Variants in CCNI observed in about 807,000 individuals in gnomAD.
CCNI encodes cyclin-I.
Under a neutral mutation model 34.1 loss-of-function variants are expected in CCNI, and 14 were observed. The observed-to-expected ratio is 0.41, with a 90% CI of 0.27 to 0.64. The LOEUF is 0.64. CCNI is among the 30% of genes least tolerant of loss of function. CCNI has a pLI of 0.31. For synonymous variants in CCNI, 154 were observed against 158.4 expected (o/e 0.97, Z 0.21); for missense variants, 385 against 440.5 (o/e 0.87, Z 1.13).
chr4:77,055,804 A>G (rs1196096480), intron 5 of CCNI, among the ~76,000 whole-genome samples, 158 bp downstream of exon 5: 1 of 152,198 alleles, frequency 6.6e-6, no homozygotes, highest in African/African-American at 2.4e-5. Context: ...ATTAAGCTTC[A>G]GTGATATGAC....
chr4:77,066,974 C>T (rs1729076867), intron 1 of CCNI, among the ~76,000 whole-genome samples: 2 of 152,224 alleles, frequency 1.3e-5, no homozygotes, highest in South Asian at 4.1e-4. Context: ...TGGCTCACGC[C>T]TGTAATCCCA....
intron 6 of CCNI, among the ~76,000 whole-genome samples, chr4:77,054,374 C>T (rs1023908761): frequency 1.9e-4 from 29 of 152,122 alleles, no homozygotes; most frequent in Admixed American, 1.6e-3. Flanking sequence ...GAATAAATAG[C>T]CATATAAAGG....
intron 6 of CCNI, among the ~76,000 whole-genome samples, chr4:77,050,878 G>A (rs1727776529): frequency 6.6e-6 from 1 of 151,872 alleles, no homozygotes; most frequent in African/African-American, 2.4e-5. Context: ...GTAAAAAAGG[G>A]GCTATAGTGT....
At chr4:77,069,645 T>C (rs954027274) in intron 1 of CCNI, among the ~76,000 whole-genome samples, 4 of 127,090 alleles carry the variant, frequency 3.1e-5, no homozygotes, top group Non-Finnish European at 6.3e-5. Context: ...TGTGTCCAAG[T>C]GTCCTCATTT....
chr4:77,063,023 TCA>T (rs1384372794), intron 2 of CCNI, among the ~76,000 whole-genome samples: 7 of 152,138 alleles, frequency 4.6e-5, no homozygotes, highest in East Asian at 1.9e-4. Context: ...TCAGGGAAAC[TCA>T]CAGTCAAATC....
chr4:77,060,605 C>T (rs532216739), intron 2 of CCNI, among the ~76,000 whole-genome samples: 24 of 149,780 alleles, frequency 1.6e-4, no homozygotes, highest in Middle Eastern at 3.5e-3. Context: ...ACCAGAGGTA[C>T]GTGCCACCAG....
At chr4:77,054,499 C>CA (rs1331649882) in intron 6 of CCNI, among the ~76,000 whole-genome samples, 10 of 152,200 alleles carry the variant, frequency 6.6e-5, no homozygotes, top group Admixed American at 6.5e-4. Context: ...AGCCTTCTCT[C>CA]AAAGTAGTTG....
At chr4:77,053,324 A>G (rs926186066) in intron 6 of CCNI, among the ~76,000 whole-genome samples, 1 of 152,204 alleles carries the variant, frequency 6.6e-6, no homozygotes, top group African/African-American at 2.4e-5. Context: ...AAGTAGCTCT[A>G]CACGGCTCTA....
intron 1 of CCNI, among the ~76,000 whole-genome samples, chr4:77,072,445 T>C: frequency 8.7e-6 from 1 of 115,108 alleles, no homozygotes; most frequent in African/African-American, 3.7e-5. Context: ...GAGATCCCTG[T>C]CTCCACCAAA....
chr4:77,066,407 T>G lies in CCNI; in HGVS notation c.-43-2A>C. On this transcript the variant is annotated splice_acceptor_variant, in intron 1 of 6. Coordinates refer to ENST00000237654, the MANE Select transcript of CCNI (RefSeq NM_006835.3). LOFTEE classifies it low-confidence loss of function (5UTR_SPLICE). ...TGCTACCCAGCTTGCTGTAGCTACC[T>G]ACAGAATCAAGTAAGTTTTAAAATT... The G allele has an allele frequency of 6.2e-7, 1 of 1,607,326 alleles. No homozygotes were observed. The highest frequency in any genetic ancestry group is 2.2e-5 in the East Asian group (1 of 44,818).
intron 1 of CCNI, among the ~76,000 whole-genome samples, chr4:77,071,153 A>G (rs1729439311): frequency 6.6e-6 from 1 of 152,226 alleles, no homozygotes; most frequent in African/African-American, 2.4e-5. Flanking sequence ...TCATGTAAAA[A>G]GAAGTAAATC....
intron 3 of CCNI, chr4:77,056,579 G>T: frequency 6.1e-6 from 2 of 329,612 alleles, no homozygotes; most frequent in Non-Finnish European, 1.1e-5. Flanking sequence ...AGTGTGTCTA[G>T]AGCTAACTTT....
Position 77,072,656 on chromosome 4 carries a change from A to G in CCNI, c.-44+2816T>C, listed in dbSNP as rs552145577. Among the ~76,000 whole-genome samples the G allele has an allele frequency of 3.4e-3, 510 of 149,802 alleles. 8 individuals carry two copies. Among genetic ancestry groups the G allele is most frequent in the Admixed American group, 0.029 (438 of 14,930 alleles). On this transcript the variant is annotated intron_variant, in intron 1 of 6. Coordinates refer to ENST00000237654, the MANE Select transcript of CCNI (RefSeq NM_006835.3). ...AATCTCTTAAAAAAAAAAAAAAAAA[A>G]AAAAAGAAAAGAAACGAAACTGCAA...
chr4:77,051,961 T>TG (rs1036133740), intron 6 of CCNI, among the ~76,000 whole-genome samples: 1 of 151,330 alleles, frequency 6.6e-6, no homozygotes, highest in East Asian at 1.9e-4. Context: ...TTTGTTTTTT[T>TG]TTTTTTAAAT....
chr4:77,053,179 T>C (rs1397589610), intron 6 of CCNI, among the ~76,000 whole-genome samples: 3 of 152,190 alleles, frequency 2.0e-5, no homozygotes, highest in Non-Finnish European at 4.4e-5. Flanking sequence ...GGATTGTGTG[T>C]GTACAAGATT....
Position 77,058,460 on chromosome 4 carries a change from C to T in CCNI, c.243+47G>A, listed in dbSNP as rs764511621. ...CACTAATAGCCTCTAGTTTAGCATA[C>T]ATACACTCAAATGAGGTTATATGTA... On this transcript the variant is annotated intron_variant, in intron 3 of 6. Transcript: ENST00000237654. 3.0e-5 allele frequency: 45 copies of T among 1,500,408 alleles called. No homozygotes were observed. In the Admixed American group the frequency reaches 7.8e-4, roughly 26 times the overall value. The allele number at this position is 1,500,408 out of a possible 1,614,324, so 92.9% of individuals were successfully genotyped here.
At chr4:77,056,957 T>C (rs1728285351) in intron 3 of CCNI, among the ~76,000 whole-genome samples, 2 of 152,156 alleles carry the variant, frequency 1.3e-5, no homozygotes, top group Admixed American at 6.5e-5. Context: ...ATCAATTCCA[T>C]TGCTCAAAGT....
At chr4:77,065,838 G>A (rs184360074) in intron 2 of CCNI, among the ~76,000 whole-genome samples, 395 of 152,324 alleles carry the variant, frequency 2.6e-3, no homozygotes, top group Non-Finnish European at 4.3e-3. Context: ...GGTGGCTCAC[G>A]CCTATAATCC....
chr4:77,058,656 A>T, intron 2 of CCNI, 21 bp from the exon 3 acceptor site: 3 of 1,606,600 alleles, frequency 1.9e-6, no homozygotes, highest in Non-Finnish European at 2.5e-6. Context: ...ACAATTTTGA[A>T]AACAGAAGAC....
Sources: gnomAD v4.1 joint callset for allele counts (sites outside exome capture counted in the v4.1 genomes callset) on GRCh38, gnomAD v4.1.1 for gene constraint, MANE v1.5 for transcripts, NCBI Gene and HGNC (gene_info 2026-07-23, HGNC 2026-07-21) for gene names.